Variants in SPATA31H1 observed in about 807,000 individuals in gnomAD.
The protein encoded by SPATA31H1 is SPATA31 subfamily H member 1, also known as spermatogenesis-associated protein 31H1.
At chr2:27,572,039 G>C in the SPATA31H1 span, 3 of 398,330 alleles carry the variant, frequency 7.5e-6, no homozygotes. Flanking sequence ...AAGGTGTAAT[G>C]TCTTTGGAGT....
At chr2:27,582,280 G>T in the SPATA31H1 span, 1 of 1,614,198 alleles carries the variant, frequency 6.2e-7, no homozygotes, top group Non-Finnish European at 8.5e-7. Flanking sequence ...AGCCATCGCA[G>T]TTCCTGTGAG....
At chr2:27,573,533 G>A in the SPATA31H1 span, 2 of 398,428 alleles carry the variant, frequency 5.0e-6, no homozygotes, top group Non-Finnish European at 8.8e-6. Flanking sequence ...AGGAACATCA[G>A]TTGCCAGGGC....
the SPATA31H1 span, chr2:27,571,857 G>A: frequency 5.5e-5 from 22 of 398,486 alleles, no homozygotes; most frequent in Non-Finnish European, 9.3e-5. Flanking sequence ...TATAACCAGA[G>A]GAGAAGAGTT....
At chr2:27,578,251 T>G in the SPATA31H1 span, 2 of 1,614,178 alleles carry the variant, frequency 1.2e-6, no homozygotes, top group Non-Finnish European at 1.7e-6. Context: ...GGGCCATGTT[T>G]GCAAGATGTG....
the SPATA31H1 span, among the ~76,000 whole-genome samples, chr2:27,559,457 T>G: frequency 6.6e-6 from 1 of 152,248 alleles, no homozygotes; most frequent in African/African-American, 2.4e-5. Context: ...ATCTTGGCTC[T>G]TCTGGTTTTT....
chr2:27,577,587 T>C, the SPATA31H1 span: 21 of 1,614,024 alleles, frequency 1.3e-5, no homozygotes, highest in Non-Finnish European at 1.7e-5. The surrounding 1 kb of genome is among the most constrained non-coding windows in gnomAD (Gnocchi z 4.5). Context: ...GATTCCAAAG[T>C]CATTACATCA....
the SPATA31H1 span, chr2:27,570,349 C>G: frequency 2.5e-6 from 1 of 398,844 alleles, no homozygotes; most frequent in Non-Finnish European, 4.4e-6. Context: ...AGTGTAAAAT[C>G]TGAGGAAGTA....
At chr2:27,554,668 G>A in the SPATA31H1 span, among the ~76,000 whole-genome samples, 1 of 152,034 alleles carries the variant, frequency 6.6e-6, no homozygotes, top group African/African-American at 2.4e-5. Context: ...CCTCCTTCTG[G>A]GTTCAAGCAA....
At chr2:27,539,101 CTT>C in the SPATA31H1 span, among the ~76,000 whole-genome samples, 1,453 of 94,430 alleles carry the variant, frequency 0.015, 19 homozygotes, top group Middle Eastern at 0.025. Flanking sequence ...TCATCATTTT[CTT>C]TTTTTTTTTT....
the SPATA31H1 span, chr2:27,579,484 A>G: frequency 6.2e-7 from 1 of 1,614,242 alleles, no homozygotes; most frequent in Admixed American, 1.7e-5. Context: ...GGTCATAAGA[A>G]AAGAATGGCC....
the SPATA31H1 span, chr2:27,573,553 T>C: frequency 2.5e-6 from 1 of 398,518 alleles, no homozygotes; most frequent in Non-Finnish European, 4.4e-6. Flanking sequence ...CTCAAACCTA[T>C]TGCTTTGAAA....
chr2:27,572,195 G>A, the SPATA31H1 span: 1 of 398,352 alleles, frequency 2.5e-6, no homozygotes, highest in Admixed American at 4.4e-5. Context: ...AACCACAGTT[G>A]CAAAGTATGA....
chr2:27,561,689 G>A, the SPATA31H1 span, among the ~76,000 whole-genome samples: 5 of 151,566 alleles, frequency 3.3e-5, no homozygotes, highest in African/African-American at 1.2e-4. Context: ...TCTCTATAAT[G>A]AGCCAGTTTT....
chr2:27,562,543 A>G, the SPATA31H1 span, among the ~76,000 whole-genome samples: 12 of 148,230 alleles, frequency 8.1e-5, no homozygotes, highest in East Asian at 2.0e-4. Flanking sequence ...ATATATATAT[A>G]TGTGTCTATA....
At chr2:27,582,603 C>A in the SPATA31H1 span, 2 of 1,401,788 alleles carry the variant, frequency 1.4e-6, no homozygotes, top group South Asian at 2.8e-5. Context: ...TCCTGCTCAG[C>A]CACTGCCTCC....
chr2:27,581,404 A>G, the SPATA31H1 span: 1 of 1,613,922 alleles, frequency 6.2e-7, no homozygotes, highest in South Asian at 1.1e-5. Context: ...AGTCCGTCTC[A>G]GAGAAATCAC....
At chr2:27,541,235 T>C in the SPATA31H1 span, among the ~76,000 whole-genome samples, 87,314 of 151,536 alleles carry the variant, frequency 0.58, 26,025 homozygotes, top group East Asian at 0.85. Flanking sequence ...AAAAAAAACA[T>C]GAAAACCAGT....
the SPATA31H1 span, among the ~76,000 whole-genome samples, chr2:27,558,894 GGAGAGGGAGAGGGAGAGGGAGA>G: frequency 1.3e-5 from 1 of 75,312 alleles, no homozygotes; most frequent in Non-Finnish European, 2.7e-5. Context: ...GACCGTGGAG[GGAGAGGGAGAGGGAGAGGGAGA>G]GGGAGGGGGA....
chr2:27,581,321 C>T, the SPATA31H1 span: 2 of 1,614,038 alleles, frequency 1.2e-6, no homozygotes, highest in Admixed American at 1.7e-5. Flanking sequence ...GAAGACATCA[C>T]AGTCCCTCTC....
Sources: gnomAD v4.1 joint callset for allele counts (sites outside exome capture counted in the v4.1 genomes callset) on GRCh38, gnomAD v4.1.1 for gene constraint, Gnocchi (gnomAD v3.1) non-coding constraint, MANE v1.5 for transcripts, NCBI Gene and HGNC (gene_info 2026-07-23, HGNC 2026-07-21) for gene names.